The following EIF5B variants were observed in gnomAD, a reference collection of about 807,000 sequenced individuals.
EIF5B encodes the protein eukaryotic translation initiation factor 5B, also known as eIF-5B.
Under a neutral mutation model 147.5 loss-of-function variants are expected in EIF5B, and 47 were observed. That is an observed-to-expected ratio of 0.32 (90% CI 0.25 to 0.41). EIF5B has a LOEUF of 0.41. Among genes scored for constraint, EIF5B ranks in the 10% least tolerant of loss-of-function variants. The probability of loss-of-function intolerance (pLI) is 1.00; values close to 1 mark genes in which losing one functional copy is unlikely to be tolerated. For synonymous variants in EIF5B, 455 were observed against 456.2 expected (o/e 1.00, Z 0.03); for missense variants, 1,064 against 1,413.2 (o/e 0.75, Z 3.96).
Position 99,390,617 on chromosome 2 carries a change from C to T in EIF5B, c.2660C>T (p.Thr887Ile), listed in dbSNP as rs771621154. 2 of 1,613,090 alleles carry T rather than the reference C, an allele frequency of 1.2e-6. No individual in the cohort carries two copies. Among genetic ancestry groups the T allele is most frequent in the Non-Finnish European group, 1.7e-6 (2 of 1,179,330 alleles). Residue 887 changes from threonine to isoleucine, a missense_variant, in exon 17 of 24, where the codon ACA becomes ATA. Transcript: ENST00000289371. The stretch of plus-strand genomic sequence containing the variant: ...AATGGGCGTTTGAAGGAAGGAGATA[C>T]AATCATTGTTCCTGGAGTAGAAGGG... Reference protein sequence around the residue: ...LINGRLKEGDTIIVPGVEGPI... With the variant: ...LINGRLKEGDIIIVPGVEGPI...
At chr2:99,343,583 C>T (rs973464741) in intron 1 of EIF5B, among the ~76,000 whole-genome samples, 4 of 151,722 alleles carry the variant, frequency 2.6e-5, no homozygotes, top group South Asian at 4.2e-4. Flanking sequence ...TTTGGGAGGC[C>T]GAGGTGGGTG....
chr2:99,399,034 T>C, intron 23 of EIF5B, 125 bp downstream of exon 23: 1 of 1,173,118 alleles, frequency 8.5e-7, no homozygotes, highest in Non-Finnish European at 1.2e-6. Flanking sequence ...GATCCCCCAT[T>C]AGGGCTTGAC....
At position 99,400,016 on chromosome 2, in the gene EIF5B, T is replaced by G. The variant is rs1675175098; in HGVS notation, c.*602T>G. The G allele has an allele frequency of 6.6e-6, 1 of 152,424 alleles. No individual in the cohort carries two copies. Among genetic ancestry groups the G allele is most frequent in the Non-Finnish European group, 1.5e-5 (1 of 68,076 alleles). The allele number at this position is 152,424 out of a possible 1,614,324, so 9.4% of individuals were successfully genotyped here. On this transcript the variant is annotated 3_prime_UTR_variant, in exon 24 of 24. Coordinates refer to ENST00000289371, the MANE Select transcript of EIF5B (RefSeq NM_015904.4). Reference sequence around the variant, plus strand: ...TTGTGTAGTCACGAGTCCATTGTAATCATCACAATTCTAAACCAAACTACC... The same window carrying G: ...TTGTGTAGTCACGAGTCCATTGTAAGCATCACAATTCTAAACCAAACTACC...
chr2:99,339,075 C>G (rs1414311161), intron 1 of EIF5B, among the ~76,000 whole-genome samples: 4 of 146,134 alleles, frequency 2.7e-5, no homozygotes, highest in African/African-American at 5.1e-5. Context: ...AGGGCAATGG[C>G]GCGATCTCGG....
Position 99,361,541 on chromosome 2 carries a change from A to G in EIF5B, c.640A>G (p.Ser214Gly). Residue 214 changes from serine (S) to glycine (G), a missense_variant, in exon 4 of 24, where the codon AGT becomes GGT. Around this residue, in one of 4 missense-constraint regions of EIF5B, gnomAD observed 458 missense variants for 451.3 expected, o/e 1.01. Coordinates refer to ENST00000289371, the MANE Select transcript of EIF5B (RefSeq NM_015904.4). ...AAACAAGCCAGGTCCTAACATAGAAAGTGGGAATGAAGATGATGACGCCTC... is the reference window on the plus strand; with the variant it reads ...AAACAAGCCAGGTCCTAACATAGAAGGTGGGAATGAAGATGATGACGCCTC... ...QKNKPGPNIESGNEDDDASFK... is the reference protein window; with the variant it reads ...QKNKPGPNIEGGNEDDDASFK... 6.2e-7 allele frequency: 1 copy of G among 1,613,772 alleles called. No individual in the cohort carries two copies. Among genetic ancestry groups the G allele is most frequent in the East Asian group, 2.2e-5 (1 of 44,852 alleles).
chr2:99,340,475 A>G (rs1053455523), intron 1 of EIF5B, among the ~76,000 whole-genome samples: 3 of 152,182 alleles, frequency 2.0e-5, no homozygotes, highest in African/African-American at 7.2e-5. Flanking sequence ...GCAAGGTGTG[A>G]ACTGTGTGAG....
In EIF5B at chr2:99,390,620, T is replaced by C; in HGVS notation, c.2663T>C (p.Ile888Thr). 1 of 1,613,300 alleles carries C rather than the reference T, an allele frequency of 6.2e-7. No homozygotes were observed. Among genetic ancestry groups the C allele is most frequent in the Non-Finnish European group, 8.5e-7 (1 of 1,179,332 alleles). The change falls in exon 17 of 24, where the codon ATC becomes ACC. Residue 888 changes from isoleucine to threonine, a missense_variant. Physicochemically the swap from Ile to Thr is moderately conservative, Grantham distance 89. Transcript: ENST00000289371. ...GGGCGTTTGAAGGAAGGAGATACAA[T>C]CATTGTTCCTGGAGTAGAAGGGCCC... ...INGRLKEGDT[I>T]IVPGVEGPIV...
intron 1 of EIF5B, among the ~76,000 whole-genome samples, chr2:99,358,241 A>G (rs1674135534): frequency 6.6e-6 from 1 of 151,938 alleles, no homozygotes; most frequent in African/African-American, 2.4e-5. Context: ...TAATTTTTTT[A>G]TATTTTTTAG....
rs373267092 is a variant in EIF5B, at chr2:99,353,150, G to A, written c.36-7086G>A. Among the ~76,000 whole-genome samples the A allele has an allele frequency of 1.3e-4, 20 of 151,526 alleles. No individual in the cohort carries two copies. The South Asian group carries it at 1.9e-3, about 14-fold the overall frequency. On this transcript the variant is annotated intron_variant, in intron 1 of 23. Transcript: ENST00000289371. ...CTGCCTCAGCCTCCTGAGTAGCTGG[G>A]ACTACAGGCACACACCACTACACCT...
At chr2:99,355,747 G>T (rs1185967099) in intron 1 of EIF5B, among the ~76,000 whole-genome samples, 1 of 151,436 alleles carries the variant, frequency 6.6e-6, no homozygotes, top group Admixed American at 6.6e-5. Context: ...CGAGTAGCTG[G>T]GATTACAGGC....
Position 99,379,332 on chromosome 2 carries a change from T to G in EIF5B, c.1965T>G (p.His655Gln), listed in dbSNP as rs754797398. ...TKILDKLRHT[H>Q]VQDGEAGGIT... is the part of the protein sequence containing the mutation. ...TCTTCTCATAGCTCCGTCACACACATGTACAAGATGGTGAAGCAGGTGGTA... is the reference window on the plus strand; with the variant it reads ...TCTTCTCATAGCTCCGTCACACACAGGTACAAGATGGTGAAGCAGGTGGTA... Residue 655 changes from histidine to glutamine, a missense_variant, in exon 12 of 24, where the codon CAT (histidine) becomes CAG (glutamine). This residue lies in a region of EIF5B where 380 missense variants were observed against 715.6 expected (regional missense o/e 0.53). Transcript: ENST00000289371. The G allele has an allele frequency of 1.9e-6, 3 of 1,612,948 alleles. No homozygotes were observed. In the South Asian group the frequency reaches 3.3e-5, roughly 18 times the overall value.
intron 8 of EIF5B, among the ~76,000 whole-genome samples, chr2:99,369,978 G>T (rs1363928683): frequency 1.3e-5 from 2 of 151,944 alleles, no homozygotes; most frequent in Admixed American, 1.3e-4. Flanking sequence ...CAGAGCAACA[G>T]TCCATCTCAA....
At position 99,361,489 on chromosome 2, in the gene EIF5B, T is replaced by C. The variant is rs762989873; in HGVS notation, c.588T>C (p.Ser196=). The change falls in exon 4 of 24, where the codon TCT becomes TCC. Residue 196 remains serine, a synonymous_variant. Transcript: ENST00000289371. ...ATGAATCAGATGAATTTTTGCAATC[T>C]AGAAAAGGACAGAAAAAAAATCAGA... ...SGDESDEFLQ[S]RKGQKKNQKN... 1 of 1,613,670 alleles carries C rather than the reference T, an allele frequency of 6.2e-7. No homozygotes were observed. Among genetic ancestry groups the C allele is most frequent in the Non-Finnish European group, 8.5e-7 (1 of 1,179,938 alleles).
At chr2:99,377,029 G>T (rs1334637574) in intron 10 of EIF5B, among the ~76,000 whole-genome samples, 1 of 152,080 alleles carries the variant, frequency 6.6e-6, no homozygotes, top group Non-Finnish European at 1.5e-5. Context: ...ATATAAATCT[G>T]GTGGGTTGAT....
intron 1 of EIF5B, among the ~76,000 whole-genome samples, chr2:99,342,226 A>AT (rs1329948055): frequency 6.6e-6 from 1 of 151,472 alleles, no homozygotes; most frequent in Non-Finnish European, 1.5e-5. Flanking sequence ...ACAATTTGAG[A>AT]TTTTTCCTTT....
At chr2:99,356,456 A>G (rs1187174397) in intron 1 of EIF5B, among the ~76,000 whole-genome samples, 2 of 152,096 alleles carry the variant, frequency 1.3e-5, no homozygotes, top group African/African-American at 2.4e-5. Context: ...ATTTCTCTCT[A>G]ATAGTATGAC....
At chr2:99,364,511 A>G in intron 6 of EIF5B, 90 bp downstream of exon 6, 1 of 1,270,584 alleles carries the variant, frequency 7.9e-7, no homozygotes, top group Non-Finnish European at 1.1e-6. Context: ...TGGAATTTGC[A>G]TCAGGACAGT....
intron 12 of EIF5B, among the ~76,000 whole-genome samples, chr2:99,381,488 A>T (rs927012819): frequency 6.6e-6 from 1 of 151,088 alleles, no homozygotes; most frequent in Non-Finnish European, 1.5e-5. Flanking sequence ...TAGCAAAAAG[A>T]AAATGTAGAT....
intron 1 of EIF5B, among the ~76,000 whole-genome samples, chr2:99,342,422 A>G (rs1327071538): frequency 6.6e-6 from 1 of 152,190 alleles, no homozygotes; most frequent in African/African-American, 2.4e-5. Context: ...CTAGAAATAT[A>G]TTTGTGAACA....
Sources: allele counts gnomAD v4.1 joint callset (sites outside exome capture counted in the v4.1 genomes callset), GRCh38; gene constraint gnomAD v4.1.1; regional missense constraint gnomAD v4.1.1; transcripts MANE v1.5; gene names NCBI Gene and HGNC (gene_info 2026-07-23, HGNC 2026-07-21).